Variants in DRD4 observed in about 807,000 individuals in gnomAD.
DRD4 encodes dopamine receptor D4, also known as D(4) dopamine receptor.
In DRD4, 26 loss-of-function variants were observed where a neutral mutation model predicts 22.1. The observed-to-expected ratio is 1.17, with a 90% CI of 0.86 to 1.63. DRD4 has a LOEUF of 1.63. Among genes scored for constraint, DRD4 ranks in the 40% most tolerant of loss-of-function variants. The probability of loss-of-function intolerance (pLI) is 0.00; values close to 1 mark genes in which losing one functional copy is unlikely to be tolerated. For missense variants in DRD4, 913 were observed against 632.4 expected, an observed-to-expected ratio of 1.44 and a Z score of -4.76; for synonymous variants, 455 against 306.7, an observed-to-expected ratio of 1.48 and a Z score of -5.05.
rs1348222246 is a variant in DRD4, at chr11:638,572, C to CAATT, written c.286-859_286-856dup. Among the ~76,000 whole-genome samples, 6 of 152,240 alleles carry CAATT rather than the reference C, an allele frequency of 3.9e-5. No individual in the cohort carries two copies. In the East Asian group the frequency reaches 1.2e-3, roughly 29 times the overall value. On this transcript the variant is annotated intron_variant, in intron 1 of 3. Transcript: ENST00000176183. ...TTTTAATTATAATTTATCTTCAAGA[C>CAATT]AATTATGATGTGGATACTATCATCA...
At position 639,747 on chromosome 11, in the gene DRD4, G is replaced by GCTGCTGTCC; in HGVS notation, c.498_499insCTGCTGTCC (p.Val166_Ala167insLeuLeuSer). ...CCACGTGGCTGCTGTCCGCGGCGGT[G>GCTGCTGTCC]GCGGCGCCCGTACTGTGCGGCCTCA... On this transcript the variant is annotated inframe_insertion, in exon 3 of 4. Coordinates refer to ENST00000176183, the MANE Select transcript of DRD4 (RefSeq NM_000797.4). 1 of 1,541,128 alleles carries GCTGCTGTCC rather than the reference G, an allele frequency of 6.5e-7. No homozygotes were observed. The highest frequency in any genetic ancestry group is 8.7e-7 in the Non-Finnish European group (1 of 1,153,366).
Position 640,315 on chromosome 11 carries a change from C to T in DRD4, c.1057+9C>T. On this transcript the variant is annotated intron_variant, in intron 3 of 3. Transcript: ENST00000176183. ...CCTGCCGGTGGTGGTCGGTGGGTTC[C>T]TGTCCTGAGGGGCGGGGAGGAGAGG... is the stretch of plus-strand genomic sequence containing the variant. 2 of 1,536,906 alleles carry T rather than the reference C, an allele frequency of 1.3e-6. No homozygotes were observed. Among genetic ancestry groups the T allele is most frequent in the Non-Finnish European group, 1.7e-6 (2 of 1,147,070 alleles).
chr11:639,359 C>G, intron 1 of DRD4, 74 bp from the exon 2 acceptor site: 1 of 1,364,744 alleles, frequency 7.3e-7, no homozygotes, highest in Non-Finnish European at 1.0e-6. Flanking sequence ...CTGGAACTAC[C>G]CATAAGAGTG....
In DRD4 at chr11:639,883, T is replaced by C; in HGVS notation, c.634T>C (p.Tyr212His). Residue 212 changes from tyrosine to histidine, a missense_variant, in exon 3 of 4, where the codon TAC (tyrosine) becomes CAC (histidine). Coordinates refer to ENST00000176183, the MANE Select transcript of DRD4 (RefSeq NM_000797.4). ...ACCCTGCCCGCTCATGCTGCTGCTC[T>C]ACTGGGCCACGTTCCGCGGCCTGCA... ...FLPCPLMLLL[Y>H]WATFRGLQRW... is the part of the protein sequence containing the mutation. 1 of 1,581,250 alleles carries C rather than the reference T, an allele frequency of 6.3e-7. No individual in the cohort carries two copies. The highest frequency in any genetic ancestry group is 8.5e-7 in the Non-Finnish European group (1 of 1,171,538).
At position 640,602 on chromosome 11, in the gene DRD4, G is replaced by C. The variant is rs370427849; in HGVS notation, c.1259G>C (p.Ter420SerextTer?). 1 of 1,599,212 alleles carries C rather than the reference G, an allele frequency of 6.3e-7. No individual in the cohort carries two copies. Residue 420 changes from the stop codon to serine (S), a stop_lost, in exon 4 of 4, where the codon TGA (stop) becomes TCA (serine). Transcript: ENST00000176183. ...VFRKALRACC[*>S] ...CGCAAGGCCCTGCGTGCCTGCTGCT[G>C]AGCCGGGCACCCCCGGACGCCCCCC...
rs1398229052 is a variant in DRD4 at position 637,598 on chromosome 11, C to T, written c.285+9C>T. On this transcript the variant is annotated intron_variant, in intron 1 of 3. Coordinates refer to ENST00000176183, the MANE Select transcript of DRD4 (RefSeq NM_000797.4). ...TCTTCGTCTACTCCGAGGTGAGCCGCGTCCGGCCGCACGAGCATCCTCACC... is the reference window on the plus strand; with the variant it reads ...TCTTCGTCTACTCCGAGGTGAGCCGTGTCCGGCCGCACGAGCATCCTCACC... The T allele has an allele frequency of 3.2e-5, 50 of 1,543,576 alleles. No homozygotes were observed. Among genetic ancestry groups the T allele is most frequent in the Admixed American group, 3.9e-5 (2 of 51,172 alleles).
chr11:640,173 C>T lies in DRD4; in HGVS notation c.924C>T (p.Ser308=). The change falls in exon 3 of 4, where the codon TCC becomes TCT. Residue 308 remains serine (S), a synonymous_variant. Transcript: ENST00000176183. ...GCCTCCCCCCGGACCCCTGCGGCTC[C>T]AACTGTGCTCCCCCCGACGCCGTCA... ...APGLPPDPCG[S]NCAPPDAVRA... 6.5e-7 allele frequency: 1 copy of T among 1,527,634 alleles called. No individual in the cohort carries two copies. Among genetic ancestry groups the T allele is most frequent in the Non-Finnish European group, 8.7e-7 (1 of 1,142,998 alleles). 94.6% of individuals were successfully genotyped at this position (1,527,634 alleles called of 1,614,324 possible).
At position 640,645 on chromosome 11, in the gene DRD4, T is replaced by G. The variant is rs775742671; in HGVS notation, c.*42T>G. The G allele has an allele frequency of 3.1e-6, 5 of 1,594,008 alleles. No homozygotes were observed. In the South Asian group the frequency reaches 5.5e-5, roughly 18 times the overall value. On this transcript the variant is annotated 3_prime_UTR_variant, in exon 4 of 4. Transcript: ENST00000176183. The stretch of plus-strand genomic sequence containing the variant: ...CGCCCCCCGGCCTGATGGCCAGGCC[T>G]CAGGGACCAAGGAGATGGGGAGGGC...
Position 639,782 on chromosome 11 carries a change from G to A in DRD4, c.533G>A (p.Arg178His). 1.3e-6 allele frequency: 2 copies of A among 1,578,116 alleles called. No homozygotes were observed. Among genetic ancestry groups the A allele is most frequent in the South Asian group, 1.1e-5 (1 of 88,932 alleles). The change falls in exon 3 of 4, where the codon CGC becomes CAC. Residue 178 changes from arginine (R) to histidine (H), a missense_variant. Coordinates refer to ENST00000176183, the MANE Select transcript of DRD4 (RefSeq NM_000797.4). Reference sequence around the variant, plus strand: ...GTACTGTGCGGCCTCAACGACGTGCGCGGCCGCGACCCCGCCGTGTGCCGC... The same window carrying A: ...GTACTGTGCGGCCTCAACGACGTGCACGGCCGCGACCCCGCCGTGTGCCGC... Reference protein sequence around the residue: ...APVLCGLNDVRGRDPAVCRLE... With the variant: ...APVLCGLNDVHGRDPAVCRLE...
Position 639,643 on chromosome 11 carries a change from CG to C in DRD4, c.399-4del. ...TGTCCGGCGCCCCCTCGGCGCTCCC[CG>C]CAGGTTCGTGGCCGTGGCCGTGCCG... On this transcript the variant is annotated splice_polypyrimidine_tract_variant and splice_region_variant and intron_variant, in intron 2 of 3. Transcript: ENST00000176183. The C allele has an allele frequency of 6.9e-7, 1 of 1,446,384 alleles. No individual in the cohort carries two copies. Among genetic ancestry groups the C allele is most frequent in the Admixed American group, 2.5e-5 (1 of 40,698 alleles). 89.6% of individuals were successfully genotyped at this position (1,446,384 alleles called of 1,614,324 possible).
rs1285519322 is a variant in DRD4 at position 637,273 on chromosome 11, T to A, written c.-32T>A. On this transcript the variant is annotated 5_prime_UTR_variant, in exon 1 of 4. Coordinates refer to ENST00000176183, the MANE Select transcript of DRD4 (RefSeq NM_000797.4). ...CTCCCCGGCTTGCGACCCGGCGTTG[T>A]CCGCGGTGCTCAGCGCCCGCCCGGG... The A allele has an allele frequency of 8.5e-6, 10 of 1,173,782 alleles. No homozygotes were observed. Among genetic ancestry groups the A allele is most frequent in the Middle Eastern group, 3.5e-4 (1 of 2,886 alleles). The allele number at this position is 1,173,782 out of a possible 1,614,324, so 72.7% of individuals were successfully genotyped here.
rs1564914483 is a variant in DRD4 at position 640,463 on chromosome 11, G to GCCTGCTCCGTGC, written c.1123_1134dup (p.Cys375_Pro378dup). On this transcript the variant is annotated inframe_insertion, in exon 4 of 4. Coordinates refer to ENST00000176183, the MANE Select transcript of DRD4 (RefSeq NM_000797.4). ...GCACATCACGCAGGCGCTGTGTCCT[G>GCCTGCTCCGTGC]CCTGCTCCGTGCCCCCGCGGCTGGT... 1.2e-6 allele frequency: 2 copies of GCCTGCTCCGTGC among 1,602,136 alleles called. No homozygotes were observed. The highest frequency in any genetic ancestry group is 4.5e-5 in the East Asian group (2 of 44,864).
Position 640,038 on chromosome 11 carries a change from GC to G in DRD4, c.795del (p.Ala266ArgfsTer80). 8.4e-7 allele frequency: 1 copy of G among 1,186,650 alleles called. No individual in the cohort carries two copies. Among genetic ancestry groups the G allele is most frequent in the Non-Finnish European group, 1.0e-6 (1 of 955,260 alleles). The allele number at this position is 1,186,650 out of a possible 1,614,324, so 73.5% of individuals were successfully genotyped here. A position where few individuals can be genotyped will look rare whatever the true frequency, so the allele number is the denominator to read the frequency against. On this transcript the variant is annotated frameshift_variant, in exon 3 of 4. Coordinates refer to ENST00000176183, the MANE Select transcript of DRD4 (RefSeq NM_000797.4). LOFTEE classifies it high-confidence loss of function. ...PQDPCGPDCA[P>X]PAPGLPRGPC... ...AGGACCCCTGCGGCCCCGACTGTGC[GC>G]CCCCCGCGCCCGGCCTTCCCCGGGG...
At chr11:639,275 T>C (rs1332238075) in intron 1 of DRD4, 158 bp from the exon 2 acceptor site, 2 of 675,516 alleles carry the variant, frequency 3.0e-6, no homozygotes, top group Non-Finnish European at 5.2e-6. Context: ...GAGATCTGCG[T>C]GGGGAAGGGG....
chr11:640,559 G>T lies in DRD4; in HGVS notation c.1216G>T (p.Glu406Ter). The T allele has an allele frequency of 6.2e-7, 1 of 1,600,394 alleles. No homozygotes were observed. Among genetic ancestry groups the T allele is most frequent in the Non-Finnish European group, 8.5e-7 (1 of 1,179,852 alleles). ...CGTCATCTACACTGTCTTCAACGCCGAGTTCCGCAACGTCTTCCGCAAGGC... is the reference window on the plus strand; with the variant it reads ...CGTCATCTACACTGTCTTCAACGCCTAGTTCCGCAACGTCTTCCGCAAGGC... ...NPVIYTVFNAEFRNVFRKALR... is the reference protein window; with the variant it reads ...NPVIYTVFNA The change falls in exon 4 of 4, where the codon GAG (glutamate) becomes TAG (stop). Residue 406 changes from glutamate (E) to a stop codon, truncating the protein, a stop_gained. Coordinates refer to ENST00000176183, the MANE Select transcript of DRD4 (RefSeq NM_000797.4). LOFTEE classifies it high-confidence loss of function.
At chr11:639,571 CCG>C in intron 2 of DRD4, 26 bp downstream of exon 2, 1 of 1,395,928 alleles carries the variant, frequency 7.2e-7, no homozygotes, top group East Asian at 3.3e-5. Flanking sequence ...CGCCCGCGCC[CCG>C]GCGCCCCCGC....
chr11:639,606 C>T (rs1486994145), intron 2 of DRD4, 42 bp from the exon 3 acceptor site: 2 of 1,319,938 alleles, frequency 1.5e-6, no homozygotes, highest in African/African-American at 3.1e-5. Context: ...GCCCTCACCG[C>T]GGCCTGTGCG....
At chr11:639,612 G>C (rs1266699900) in intron 2 of DRD4, 36 bp from the exon 3 acceptor site, 1 of 1,373,726 alleles carries the variant, frequency 7.3e-7, no homozygotes, top group Non-Finnish European at 9.4e-7. Context: ...ACCGCGGCCT[G>C]TGCGCTGTCC....
chr11:637,639 CGTCCCT>C (rs954101917), intron 1 of DRD4, 50 bp downstream of exon 1: 7 of 1,535,848 alleles, frequency 4.6e-6, no homozygotes, highest in African/African-American at 4.1e-5. Context: ...CTCGGTTCCC[CGTCCCT>C]GTCCCTACGG....
Sources: allele counts gnomAD v4.1 joint callset (sites outside exome capture counted in the v4.1 genomes callset), GRCh38; gene constraint gnomAD v4.1.1; transcripts MANE v1.5; gene names NCBI Gene and HGNC (gene_info 2026-07-23, HGNC 2026-07-21).